ENG: variants seen among roughly 807,000 people sequenced by gnomAD.
ENG encodes CD105 antigen.
ENG carries 17 observed loss-of-function variants against 71.0 expected under a neutral mutation model. That is an observed-to-expected ratio of 0.24 (90% confidence interval 0.16 to 0.36). The LOEUF is 0.36. Ranked by LOEUF, ENG falls within the 10% of genes least tolerant of loss-of-function variation. ENG has a pLI of 1.00. For missense variants in ENG, 749 were observed against 868.3 expected (o/e 0.86, Z 1.73); for synonymous variants, 360 against 366.9 (o/e 0.98, Z 0.21).
chr9:127,848,293 T>C (rs1831218831), intron 1 of ENG, among the ~76,000 whole-genome samples: 1 of 152,168 alleles, frequency 6.6e-6, no homozygotes, highest in African/African-American at 2.4e-5. Context: ...CTGGCCTTTT[T>C]TTTTTAATTT....
chr9:127,826,621 G>A lies in ENG; in HGVS notation c.412C>T (p.Leu138=), dbSNP rs544585996. ...QEPPGVNTTE[L]PSFPKTQILE... is the part of the protein sequence containing the mutation. ...ATCTGGGTCTTGGGGAAGGATGGCA[G>A]CTCTGTGGTGTTGACCCCCGGGGGC... Residue 138 remains leucine, a synonymous_variant, in exon 4 of 15, where the codon CTG becomes TTG. Coordinates refer to ENST00000373203, the MANE Select transcript of ENG (RefSeq NM_001114753.3). 16 of 1,613,956 alleles carry A rather than the reference G, an allele frequency of 9.9e-6. No homozygotes were observed. The highest frequency in any genetic ancestry group is 1.4e-5 in the Non-Finnish European group (16 of 1,180,012).
chr9:127,844,002 C>G (rs1481922835), intron 1 of ENG, among the ~76,000 whole-genome samples: 1 of 149,944 alleles, frequency 6.7e-6, no homozygotes, highest in African/African-American at 2.4e-5. Context: ...AACTCCTGGC[C>G]TCAGGTGATC....
intron 1 of ENG, among the ~76,000 whole-genome samples, chr9:127,843,706 T>C (rs1831098953): frequency 7.4e-6 from 1 of 134,768 alleles, no homozygotes; most frequent in Non-Finnish European, 1.5e-5. Flanking sequence ...CATATATAGA[T>C]ATACATATAT....
chr9:127,815,667 C>T lies in ENG; in HGVS notation c.*15G>A, dbSNP rs777464493. ...TGCTCAGTCTCTCCTGCTGGGCGAG[C>T]GCGGGGGGCCGGGGCTATGCCATGC... On this transcript the variant is annotated 3_prime_UTR_variant, in exon 15 of 15. Coordinates refer to ENST00000373203, the MANE Select transcript of ENG (RefSeq NM_001114753.3). 9.7e-6 allele frequency: 15 copies of T among 1,551,604 alleles called. No homozygotes were observed. Among genetic ancestry groups the T allele is most frequent in the African/African-American group, 4.1e-5 (3 of 73,732 alleles).
rs1830915328 is a variant in ENG at position 127,836,923 on chromosome 9, G to A, written c.219+6171C>T. Reference sequence around the variant, plus strand: ...CTGGTTCAGCCTCCTGAGTAGCTGGGACTACAGGCACCCACCACCATGCTC... The same window carrying A: ...CTGGTTCAGCCTCCTGAGTAGCTGGAACTACAGGCACCCACCACCATGCTC... On this transcript the variant is annotated intron_variant, in intron 2 of 14. Transcript: ENST00000373203. This position sits in a 1 kb window ranked among gnomAD's most constrained non-coding sequence, Gnocchi z 4.0. 6.6e-6 allele frequency among the ~76,000 whole-genome samples: 1 copy of A among 152,134 alleles called. No homozygotes were observed. The highest frequency in any genetic ancestry group is 1.5e-5 in the Non-Finnish European group (1 of 68,024).
intron 2 of ENG, chr9:127,832,605 T>C (rs1247732841): frequency 6.6e-6 from 1 of 152,012 alleles, no homozygotes; most frequent in South Asian, 2.1e-4. Flanking sequence ...GAAACCCCAA[T>C]GGTGCGATCC....
rs1301489656 is a variant in ENG at position 127,815,548 on chromosome 9, C to T, written c.*134G>A. On this transcript the variant is annotated 3_prime_UTR_variant, in exon 15 of 15. Transcript: ENST00000373203. Reference sequence around the variant, plus strand: ...TGGCAGCAGGCCTCTGAGAGGGAGGCGGGAAGGGTAGGCGCGGAGAGCAGG... The same window carrying T: ...TGGCAGCAGGCCTCTGAGAGGGAGGTGGGAAGGGTAGGCGCGGAGAGCAGG... 13 of 1,438,508 alleles carry T rather than the reference C, an allele frequency of 9.0e-6. No individual in the cohort carries two copies. Among genetic ancestry groups the T allele is most frequent in the Admixed American group, 2.5e-5 (1 of 39,344 alleles). 89.1% of individuals were successfully genotyped at this position (1,438,508 alleles called of 1,614,324 possible). A position where few individuals can be genotyped will look rare whatever the true frequency, so the allele number is the denominator to read the frequency against.
intron 1 of ENG, 125 bp downstream of exon 1, chr9:127,854,164 C>T (rs1401276886): frequency 1.0e-6 from 1 of 988,210 alleles, no homozygotes; most frequent in Non-Finnish European, 1.5e-6. Flanking sequence ...TGGTGACCCT[C>T]CAGAGCCCCA....
rs778561832 is a variant in ENG, at chr9:127,818,372, T to A, written c.1434A>T (p.Arg478Ser). The A allele has an allele frequency of 7.4e-6, 12 of 1,613,528 alleles. No homozygotes were observed. The highest frequency in any genetic ancestry group is 2.2e-5 in the South Asian group (2 of 91,080). The change falls in exon 12 of 15, where the codon AGA (arginine) becomes AGT (serine). Residue 478 changes from arginine (R) to serine (S), a missense_variant. Transcript: ENST00000373203. ...GGAACTCGGAGACGGATGGGGACAC[T>A]CTGACCTGCATGGGTAGGTAGGGCC... ...EPGQQSFVQV[R>S]VSPSVSEFLL...
chr9:127,853,931 C>T (rs530879131), intron 1 of ENG, among the ~76,000 whole-genome samples: 55 of 152,210 alleles, frequency 3.6e-4, no homozygotes, highest in Non-Finnish European at 7.1e-4. Flanking sequence ...TCCTTCCCAT[C>T]CATTCCTCAT....
At chr9:127,821,857 C>T (rs1482285979) in intron 8 of ENG, among the ~76,000 whole-genome samples, 3 of 141,288 alleles carry the variant, frequency 2.1e-5, no homozygotes, top group Non-Finnish European at 3.0e-5. Context: ...TACTCCAGCC[C>T]GGGCAATAGT....
In ENG at chr9:127,836,058, C is replaced by A. The variant is rs561548329; in HGVS notation, c.220-6231G>T. On this transcript the variant is annotated intron_variant, in intron 2 of 14. Coordinates refer to ENST00000373203, the MANE Select transcript of ENG (RefSeq NM_001114753.3). The surrounding 1 kb of genome is among the most constrained non-coding windows in gnomAD (Gnocchi z 4.0). Reference sequence around the variant, plus strand: ...AAAAACAGCTGGTTACCAGAAAAACCCAGTCAGGGTTTCTACAGCAAACAT... The same window carrying A: ...AAAAACAGCTGGTTACCAGAAAAACACAGTCAGGGTTTCTACAGCAAACAT... Among the ~76,000 whole-genome samples the A allele has an allele frequency of 3.3e-5, 5 of 152,296 alleles. No individual in the cohort carries two copies. The highest frequency in any genetic ancestry group is 1.2e-4 in the African/African-American group (5 of 41,562).
In ENG at chr9:127,818,105, C is replaced by G. The variant is rs1264445386; in HGVS notation, c.1686+15G>C. On this transcript the variant is annotated intron_variant, in intron 12 of 14. Coordinates refer to ENST00000373203, the MANE Select transcript of ENG (RefSeq NM_001114753.3). ...GCTCCCACTTGAAGCTGGGGCCGGC[C>G]CAGGCCCCACTCACCTGGTCTTGAG... is the stretch of plus-strand genomic sequence containing the variant. 2 of 1,614,032 alleles carry G rather than the reference C, an allele frequency of 1.2e-6. No homozygotes were observed. The highest frequency in any genetic ancestry group is 8.5e-7 in the Non-Finnish European group (1 of 1,180,030).
At chr9:127,842,322 G>A (rs1290514783) in intron 2 of ENG, among the ~76,000 whole-genome samples, 1 of 151,712 alleles carries the variant, frequency 6.6e-6, no homozygotes, top group Non-Finnish European at 1.5e-5. Context: ...CACCTCCTGG[G>A]TTCAAGCGAT....
At chr9:127,830,206 G>A (rs1830732011) in intron 2 of ENG, among the ~76,000 whole-genome samples, 1 of 151,698 alleles carries the variant, frequency 6.6e-6, no homozygotes, top group African/African-American at 2.4e-5. Flanking sequence ...GCCAGGCGTG[G>A]TGGTGGGTGC....
Position 127,838,975 on chromosome 9 carries a change from C to T in ENG, c.219+4119G>A, listed in dbSNP as rs1442009599. Among the ~76,000 whole-genome samples, 1 of 152,174 alleles carries T rather than the reference C, an allele frequency of 6.6e-6. No individual in the cohort carries two copies. Among genetic ancestry groups the T allele is most frequent in the African/African-American group, 2.4e-5 (1 of 41,436 alleles). On this transcript the variant is annotated intron_variant, in intron 2 of 14. Transcript: ENST00000373203. The surrounding 1 kb of genome is among the most constrained non-coding windows in gnomAD (Gnocchi z 4.3). The stretch of plus-strand genomic sequence containing the variant: ...TTCTCTGTGCCAGAGATCGAAGAAG[C>T]CGGCCATAGGTCAGGAGGGATCCGG...
chr9:127,819,361 G>A, intron 10 of ENG: 1 of 506,268 alleles, frequency 2.0e-6, no homozygotes, highest in East Asian at 3.7e-5. Flanking sequence ...CCTTTCTTAG[G>A]CCACCTTTGG....
Position 127,846,890 on chromosome 9 carries a change from C to T in ENG, c.68-3645G>A, listed in dbSNP as rs562538945. On this transcript the variant is annotated intron_variant, in intron 1 of 14. Coordinates refer to ENST00000373203, the MANE Select transcript of ENG (RefSeq NM_001114753.3). The surrounding 1 kb of genome is among the most constrained non-coding windows in gnomAD (Gnocchi z 5.5). Reference sequence around the variant, plus strand: ...CACCACTGTCCCCTCTCCACCCTCGCCACCCATGTGCACACAGCACCTCCC... The same window carrying T: ...CACCACTGTCCCCTCTCCACCCTCGTCACCCATGTGCACACAGCACCTCCC... The T allele has an allele frequency of 1.0e-6, 1 of 985,610 alleles. No individual in the cohort carries two copies. The highest frequency in any genetic ancestry group is 1.7e-5 in the African/African-American group (1 of 57,344). The allele number at this position is 985,610 out of a possible 1,614,324, so 61.1% of individuals were successfully genotyped here.
rs770290260 is a variant in ENG at position 127,826,591 on chromosome 9, C to G, written c.442G>C (p.Glu148Gln). The G allele has an allele frequency of 2.5e-6, 4 of 1,613,994 alleles. No homozygotes were observed. The East Asian group carries it at 8.9e-5, about 36-fold the overall frequency. Reference protein sequence around the residue: ...LPSFPKTQILEWAAERGPITS... With the variant: ...LPSFPKTQILQWAAERGPITS... Reference sequence around the variant, plus strand: ...ATGGGGCCCCTCTCAGCTGCCCACTCAAGGATCTGGGTCTTGGGGAAGGAT... The same window carrying G: ...ATGGGGCCCCTCTCAGCTGCCCACTGAAGGATCTGGGTCTTGGGGAAGGAT... Residue 148 changes from glutamate to glutamine, a missense_variant, in exon 4 of 15, where the codon GAG becomes CAG. Glu to Gln is a conservative substitution (Grantham distance 29). Coordinates refer to ENST00000373203, the MANE Select transcript of ENG (RefSeq NM_001114753.3).
Sources: allele counts gnomAD v4.1 joint callset (sites outside exome capture counted in the v4.1 genomes callset), GRCh38; gene constraint gnomAD v4.1.1; non-coding constraint Gnocchi (gnomAD v3.1); transcripts MANE v1.5; gene names NCBI Gene and HGNC (gene_info 2026-07-23, HGNC 2026-07-21).